Variants in BZW2 observed in about 807,000 individuals in gnomAD.
The protein encoded by BZW2 is basic leucine zipper and W2 domains 2.
A neutral mutation model predicts 53.2 loss-of-function variants in BZW2; 23 were observed. The ratio of observed to expected loss-of-function variants is 0.43; its 90% CI spans 0.31 to 0.61. The LOEUF (loss-of-function observed/expected upper bound fraction) is 0.61. BZW2 is among the 20% of genes least tolerant of loss of function. BZW2 has a pLI of 0.09. For missense variants in BZW2, 409 were observed against 503.1 expected, an observed-to-expected ratio of 0.81 and a Z score of 1.79; for synonymous variants, 227 against 186.4, an observed-to-expected ratio of 1.22 and a Z score of -1.77.
chr7:16,699,270 C>T (rs1783595712), intron 10 of BZW2, among the ~76,000 whole-genome samples: 1 of 152,178 alleles, frequency 6.6e-6, no homozygotes, highest in South Asian at 2.1e-4. Context: ...TGAGTTGGGT[C>T]TTCTTGGATT....
At chr7:16,667,728 C>T (rs542857305) in intron 2 of BZW2, among the ~76,000 whole-genome samples, 1 of 152,286 alleles carries the variant, frequency 6.6e-6, no homozygotes, top group South Asian at 2.1e-4. Flanking sequence ...ATTCAAGTGA[C>T]CGGAAAATAG....
intron 6 of BZW2, 85 bp downstream of exon 6, chr7:16,686,125 T>C: frequency 6.5e-7 from 1 of 1,540,878 alleles, no homozygotes; most frequent in South Asian, 1.2e-5. Context: ...AGTGGCTCTT[T>C]TTGGTGTCCT....
At chr7:16,668,536 C>T (rs1782501787) in intron 2 of BZW2, among the ~76,000 whole-genome samples, 1 of 152,152 alleles carries the variant, frequency 6.6e-6, no homozygotes, top group Non-Finnish European at 1.5e-5. Context: ...AGTAGTGAAA[C>T]GCCTCCTGAT....
chr7:16,683,971 A>G (rs1239877874), intron 5 of BZW2, among the ~76,000 whole-genome samples: 1 of 152,190 alleles, frequency 6.6e-6, no homozygotes, highest in Non-Finnish European at 1.5e-5. Context: ...TACATGACCC[A>G]TGACCCAGCC....
chr7:16,679,174 C>G (rs1782863274), intron 3 of BZW2, among the ~76,000 whole-genome samples: 2 of 152,176 alleles, frequency 1.3e-5, no homozygotes, highest in East Asian at 1.9e-4. Flanking sequence ...GTATTTCATC[C>G]CTTATCTTCA....
At chr7:16,666,419 T>TTATTTATTTATTTATTTATTTACG (rs745428931) in intron 2 of BZW2, among the ~76,000 whole-genome samples, 6 of 150,904 alleles carry the variant, frequency 4.0e-5, no homozygotes, top group African/African-American at 1.5e-4. Context: ...ATTTATTTAT[T>TTATTTATTTATTTATTTATTTACG]TAGAGACGGA....
chr7:16,653,915 G>A (rs1423483880), intron 1 of BZW2, among the ~76,000 whole-genome samples: 1 of 151,898 alleles, frequency 6.6e-6, no homozygotes, highest in African/African-American at 2.4e-5. Flanking sequence ...TGCCATCAGT[G>A]TGTTATTACT....
intron 5 of BZW2, among the ~76,000 whole-genome samples, chr7:16,685,276 A>G (rs202040617): frequency 1.8e-4 from 27 of 152,312 alleles, no homozygotes; most frequent in Admixed American, 1.7e-3. Flanking sequence ...AAGAGAATCT[A>G]AAAGTTTACC....
chr7:16,698,464 TA>T (rs1176334004), intron 10 of BZW2, among the ~76,000 whole-genome samples: 1 of 152,256 alleles, frequency 6.6e-6, no homozygotes, highest in African/African-American at 2.4e-5. Flanking sequence ...AAAAAAAATG[TA>T]ATTATATAAA....
At chr7:16,655,754 G>A (rs1222166665) in intron 1 of BZW2, among the ~76,000 whole-genome samples, 1 of 151,970 alleles carries the variant, frequency 6.6e-6, no homozygotes, top group Non-Finnish European at 1.5e-5. Context: ...TTCTACATGA[G>A]TGAGATCATA....
chr7:16,647,584 GT>G (rs1161883939), intron 1 of BZW2, among the ~76,000 whole-genome samples: 1 of 152,156 alleles, frequency 6.6e-6, no homozygotes, highest in African/African-American at 2.4e-5. Flanking sequence ...CATGAAAATG[GT>G]TTGAAATTAT....
At chr7:16,700,030 G>T (rs1465995316) in intron 10 of BZW2, among the ~76,000 whole-genome samples, 1 of 152,180 alleles carries the variant, frequency 6.6e-6, no homozygotes, top group African/African-American at 2.4e-5. Context: ...TCTGTGGCAA[G>T]TATGACCTGG....
intron 3 of BZW2, among the ~76,000 whole-genome samples, chr7:16,680,163 A>G (rs1782894149): frequency 6.6e-6 from 1 of 152,146 alleles, no homozygotes; most frequent in African/African-American, 2.4e-5. Context: ...ACCCAAGTAG[A>G]AGGCAAAAAG....
chr7:16,694,581 C>G (rs551880098), intron 7 of BZW2, among the ~76,000 whole-genome samples: 1 of 152,174 alleles, frequency 6.6e-6, no homozygotes, highest in Non-Finnish European at 1.5e-5. Flanking sequence ...AAAGCCTCAT[C>G]TCTCAGTATT....
intron 3 of BZW2, among the ~76,000 whole-genome samples, chr7:16,678,648 A>G (rs532620517): frequency 5.3e-5 from 8 of 152,218 alleles, no homozygotes; most frequent in African/African-American, 9.6e-5. Context: ...ATCAAAAGCA[A>G]TAGCAATAAT....
At chr7:16,662,734 T>G (rs543373415) in intron 1 of BZW2, among the ~76,000 whole-genome samples, 1 of 151,482 alleles carries the variant, frequency 6.6e-6, no homozygotes, top group East Asian at 1.9e-4. Context: ...CTGGTCAACA[T>G]AGTAACACCC....
chr7:16,655,447 A>T (rs1304335800), intron 1 of BZW2, among the ~76,000 whole-genome samples: 1 of 152,198 alleles, frequency 6.6e-6, no homozygotes, highest in Non-Finnish European at 1.5e-5. Flanking sequence ...TTCCATATAC[A>T]TATACATTGT....
chr7:16,682,699 G>A, intron 4 of BZW2, 81 bp from the exon 5 acceptor site: 1 of 738,306 alleles, frequency 1.4e-6, no homozygotes, highest in Non-Finnish European at 2.1e-6. Flanking sequence ...ATAGATCTAT[G>A]GTGTCATTAT....
intron 1 of BZW2, among the ~76,000 whole-genome samples, chr7:16,649,614 G>T (rs1400505122): frequency 6.6e-6 from 1 of 151,936 alleles, no homozygotes; most frequent in Non-Finnish European, 1.5e-5. Flanking sequence ...CATCTTTCAG[G>T]GTACTGTTTG....
Sources: allele counts gnomAD v4.1 joint callset (sites outside exome capture counted in the v4.1 genomes callset), GRCh38; gene constraint gnomAD v4.1.1; transcripts MANE v1.5; gene names NCBI Gene and HGNC (gene_info 2026-07-23, HGNC 2026-07-21).